The following ATP13A3 variants were observed in gnomAD, a reference collection of about 807,000 sequenced individuals.
ATP13A3 encodes polyamine-transporting ATPase 13A3.
ATP13A3 carries 59 observed loss-of-function variants against 158.1 expected under a neutral mutation model. The observed-to-expected ratio is 0.37, with a 90% CI of 0.30 to 0.46. The LOEUF is 0.46. Ranked by LOEUF, ATP13A3 falls within the 20% of genes least tolerant of loss-of-function variation. ATP13A3 has a pLI of 1.00. For missense variants in ATP13A3, 1,166 were observed against 1,525.2 expected, an observed-to-expected ratio of 0.76 and a Z score of 3.92; for synonymous variants, 491 against 504.3, an observed-to-expected ratio of 0.97 and a Z score of 0.35.
At chr3:194,436,806 G>A (rs536374213) in intron 20 of ATP13A3, among the ~76,000 whole-genome samples, 2 of 152,252 alleles carry the variant, frequency 1.3e-5, no homozygotes, top group East Asian at 1.9e-4. Flanking sequence ...CGAGACTTGC[G>A]CCACTGCGCT....
Position 194,438,855 on chromosome 3 carries a change from C to T in ATP13A3, c.1827+1G>A, listed in dbSNP as rs1457390171. On this transcript the variant is annotated splice_donor_variant, in intron 17 of 33. Coordinates refer to ENST00000645319, the MANE Select transcript of ATP13A3 (RefSeq NM_001367549.1). LOFTEE classifies it high-confidence loss of function. ...TTATCTAGCTTTAAGTGATTTCTCA[C>T]CATTTCTTGGTTTCCTGCAGGGGTA... 3.9e-6 allele frequency: 6 copies of T among 1,550,814 alleles called. No individual in the cohort carries two copies. In the Admixed American group the frequency reaches 7.1e-5, roughly 18 times the overall value.
intron 21 of ATP13A3, among the ~76,000 whole-genome samples, chr3:194,433,272 T>A (rs1010115457): frequency 8.2e-5 from 12 of 146,462 alleles, no homozygotes; most frequent in Non-Finnish European, 1.6e-4. Flanking sequence ...AGTCTCGCTC[T>A]GTCGCCCAGG....
chr3:194,450,012 T>C, intron 11 of ATP13A3, 133 bp downstream of exon 11: 1 of 962,336 alleles, frequency 1.0e-6, no homozygotes, highest in Non-Finnish European at 1.5e-6. Flanking sequence ...ACTCAGAATT[T>C]TAAATCTCCA....
At chr3:194,473,626 G>C (rs1418527565) in intron 2 of ATP13A3, among the ~76,000 whole-genome samples, 1 of 152,060 alleles carries the variant, frequency 6.6e-6, no homozygotes, top group Non-Finnish European at 1.5e-5. Context: ...AATCTCATCT[G>C]ATCTCAGAAG....
In ATP13A3 at chr3:194,428,833, C is replaced by A; in HGVS notation, c.2947+12G>T. ...TACACTTTAAAAATCAATAACAAAG[C>A]AAAATACTCACTTGTAAATACCACT... On this transcript the variant is annotated intron_variant, in intron 28 of 33. Transcript: ENST00000645319. The A allele has an allele frequency of 6.4e-7, 1 of 1,562,782 alleles. No homozygotes were observed. The highest frequency in any genetic ancestry group is 8.8e-7 in the Non-Finnish European group (1 of 1,141,998).
chr3:194,445,136 G>A (rs1410587211), intron 14 of ATP13A3, among the ~76,000 whole-genome samples: 3 of 151,940 alleles, frequency 2.0e-5, no homozygotes, highest in Non-Finnish European at 4.4e-5. Context: ...AAGCAAAAAA[G>A]GAAGGATTAC....
Position 194,438,918 on chromosome 3 carries a change from T to C in ATP13A3, c.1765A>G (p.Thr589Ala), listed in dbSNP as rs773425673. 2.0e-5 allele frequency: 33 copies of C among 1,610,612 alleles called. No homozygotes were observed. The highest frequency in any genetic ancestry group is 2.6e-5 in the Non-Finnish European group (31 of 1,178,436). ...AGTTGTTTGGGAGGACGAACCACTG[T>C]GGGCATAATTCGATTATGAAGTGCT... ...ETALHNRIMP[T>A]VVRPPKQLLP... is the part of the protein sequence containing the mutation. The change falls in exon 17 of 34, where the codon ACA (threonine) becomes GCA (alanine). Residue 589 changes from threonine (T) to alanine (A), a missense_variant. By Grantham distance (58) the Thr-to-Ala change is moderately conservative. Around this residue, in one of 3 missense-constraint regions of ATP13A3, gnomAD observed 997 missense variants for 1,341.2 expected, o/e 0.74. Transcript: ENST00000645319.
chr3:194,447,130 AAAAT>A lies in ATP13A3; in HGVS notation c.1309-19_1309-16del, dbSNP rs1718460586. On this transcript the variant is annotated splice_polypyrimidine_tract_variant and intron_variant, in intron 13 of 33. Transcript: ENST00000645319. ...CCAACTTGTACCTACAATTAACACA[AAAAT>A]AAATGTCAAATCCCCAGTATTATTT... The A allele has an allele frequency of 6.3e-7, 1 of 1,579,924 alleles. No individual in the cohort carries two copies. Among genetic ancestry groups the A allele is most frequent in the Non-Finnish European group, 8.6e-7 (1 of 1,161,870 alleles).
intron 33 of ATP13A3, among the ~76,000 whole-genome samples, chr3:194,409,261 G>A (rs191638032): frequency 3.6e-4 from 55 of 152,306 alleles, no homozygotes; most frequent in African/African-American, 1.3e-3. Flanking sequence ...TGGCGCTGTG[G>A]TTTTCATAAG....
At chr3:194,441,218 A>G in intron 16 of ATP13A3, 93 bp downstream of exon 16, 2 of 1,082,244 alleles carry the variant, frequency 1.8e-6, no homozygotes, top group Non-Finnish European at 2.7e-6. Context: ...ACTGTCATTA[A>G]AACAAAAAGC....
At chr3:194,435,374 G>A (rs545192005) in intron 20 of ATP13A3, among the ~76,000 whole-genome samples, 1 of 152,102 alleles carries the variant, frequency 6.6e-6, no homozygotes, top group African/African-American at 2.4e-5. Context: ...ACAGGTCAAG[G>A]AAATCTTACC....
At chr3:194,478,650 T>G (rs1560116263) in intron 2 of ATP13A3, among the ~76,000 whole-genome samples, 1 of 152,152 alleles carries the variant, frequency 6.6e-6, no homozygotes, top group African/African-American at 2.4e-5. Context: ...GGAAGGGTCT[T>G]GTTAGACATG....
chr3:194,464,174 G>A (rs1719849258), intron 2 of ATP13A3, among the ~76,000 whole-genome samples: 1 of 152,078 alleles, frequency 6.6e-6, no homozygotes, highest in African/African-American at 2.4e-5. Flanking sequence ...AAAGAGAAGG[G>A]TCTGTCTGTA....
At chr3:194,491,396 C>G (rs1169583472), upstream of ATP13A3, among the ~76,000 whole-genome samples, 5 of 152,094 alleles carry the variant, frequency 3.3e-5, no homozygotes, top group South Asian at 8.3e-4. Context: ...CTCTCCTTCA[C>G]CACCCCATCC....
chr3:194,454,488 G>C, intron 8 of ATP13A3, 96 bp from the exon 9 acceptor site: 2 of 1,294,492 alleles, frequency 1.5e-6, no homozygotes, highest in Admixed American at 2.1e-5. Flanking sequence ...ATACAAATAT[G>C]TACAAGATAA....
At chr3:194,421,731 G>A (rs924815004) in intron 30 of ATP13A3, among the ~76,000 whole-genome samples, 3 of 151,592 alleles carry the variant, frequency 2.0e-5, no homozygotes, top group Non-Finnish European at 4.4e-5. Flanking sequence ...AGTGGTGGTT[G>A]GAAGTATATA....
chr3:194,465,333 G>A (rs912827160), intron 2 of ATP13A3, among the ~76,000 whole-genome samples: 2 of 152,180 alleles, frequency 1.3e-5, no homozygotes, highest in Admixed American at 1.3e-4. Flanking sequence ...ATCACCAGAA[G>A]AGAGTCTGAC....
chr3:194,465,995 T>C (rs1483308699), intron 2 of ATP13A3, among the ~76,000 whole-genome samples: 4 of 151,456 alleles, frequency 2.6e-5, no homozygotes, highest in Non-Finnish European at 5.9e-5. Context: ...AAAAAAAAAA[T>C]TATAAACTTT....
intron 2 of ATP13A3, among the ~76,000 whole-genome samples, chr3:194,493,465 A>C (rs1239447442): frequency 6.6e-6 from 1 of 151,814 alleles, no homozygotes; most frequent in Non-Finnish European, 1.5e-5. Context: ...TGGCCAACAT[A>C]ATGAAACCCC....
Sources: allele counts gnomAD v4.1 joint callset (sites outside exome capture counted in the v4.1 genomes callset), GRCh38; gene constraint gnomAD v4.1.1; regional missense constraint gnomAD v4.1.1; transcripts MANE v1.5; gene names NCBI Gene and HGNC (gene_info 2026-07-23, HGNC 2026-07-21).